Variants in IGF2R observed in about 807,000 individuals in gnomAD.
IGF2R encodes cation-independent mannose-6-phosphate receptor.
IGF2R carries 91 observed loss-of-function variants against 270.6 expected under a neutral mutation model. The ratio of observed to expected loss-of-function variants is 0.34; its 90% CI spans 0.28 to 0.40. The LOEUF (loss-of-function observed/expected upper bound fraction) is 0.40, where lower values mean the gene tolerates loss of function less well. IGF2R is among the 10% of genes least tolerant of loss of function. IGF2R has a pLI of 1.00. For synonymous variants in IGF2R, 1,316 were observed against 1,258.9 expected, an observed-to-expected ratio of 1.05 and a Z score of -0.96; for missense variants, 2,805 against 3,188.3, an observed-to-expected ratio of 0.88 and a Z score of 2.90.
Position 160,109,961 on chromosome 6 carries a change from C to G in IGF2R, c.*4877C>G, listed in dbSNP as rs1221091696. 4 of 152,174 alleles carry G rather than the reference C, an allele frequency of 2.6e-5. No individual in the cohort carries two copies. Among genetic ancestry groups the G allele is most frequent in the Non-Finnish European group, 5.9e-5 (4 of 68,048 alleles). The allele number at this position is 152,174 out of a possible 1,614,324, so 9.4% of individuals were successfully genotyped here. On this transcript the variant is annotated 3_prime_UTR_variant, in exon 48 of 48. Coordinates refer to ENST00000356956, the MANE Select transcript of IGF2R (RefSeq NM_000876.4). ...CAGTGTGCCCCGTGGAACACTTGTTCTGTATGTTGTTAACAGATGTTTTGC... is the reference window on the plus strand; with the variant it reads ...CAGTGTGCCCCGTGGAACACTTGTTGTGTATGTTGTTAACAGATGTTTTGC...
rs1278932398 is a variant in IGF2R at position 160,078,234 on chromosome 6, G to A, written c.5350G>A (p.Asp1784Asn). The change falls in exon 37 of 48, where the codon GAC (aspartate) becomes AAC (asparagine). Residue 1784 changes from aspartate to asparagine, a missense_variant. By Grantham distance (23) the Asp-to-Asn change is conservative. Around this residue, in one of 2 missense-constraint regions of IGF2R, gnomAD observed 1,851 missense variants for 2,207.2 expected, o/e 0.84. Coordinates refer to ENST00000356956, the MANE Select transcript of IGF2R (RefSeq NM_000876.4). ...TPKLLRTSEC[D>N]FVFEWETPVV... ...TAAGCTGTTAAGGACCAGCGAGTGC[G>A]ACTTTGTGTTCGAATGGGAGACTCC... 11 of 1,614,092 alleles carry A rather than the reference G, an allele frequency of 6.8e-6. No homozygotes were observed. The highest frequency in any genetic ancestry group is 5.0e-5 in the Admixed American group (3 of 60,008).
At chr6:160,101,078 C>T (rs1324892301) in intron 45 of IGF2R, among the ~76,000 whole-genome samples, 1 of 151,022 alleles carries the variant, frequency 6.6e-6, no homozygotes, top group East Asian at 1.9e-4. Context: ...AGGCATGAGC[C>T]ACTGTGCTCG....
rs59215791 is a variant in IGF2R at position 160,000,728 on chromosome 6, GTTTTTTTTTTTTT to G, written c.290-8269_290-8257del. On this transcript the variant is annotated intron_variant, in intron 2 of 47. Coordinates refer to ENST00000356956, the MANE Select transcript of IGF2R (RefSeq NM_000876.4). ...GGAAGATAATAGTTGGTGTGAGGTT[GTTTTTTTTTTTTT>G]TTTTTTTTTTTTGAGACAGAATCTT... is the stretch of plus-strand genomic sequence containing the variant. 5.7e-5 allele frequency among the ~76,000 whole-genome samples: 4 copies of G among 69,962 alleles called. No homozygotes were observed. The South Asian group carries it at 2.6e-3, about 46-fold the overall frequency. 45.9% of individuals were successfully genotyped at this position (69,962 alleles called of 152,430 possible). A position where few individuals can be genotyped will look rare whatever the true frequency, so the allele number is the denominator to read the frequency against.
chr6:160,032,910 A>G, intron 8 of IGF2R, 32 bp from the exon 9 acceptor site: 1 of 1,543,184 alleles, frequency 6.5e-7, no homozygotes, highest in Non-Finnish European at 8.9e-7. Context: ...CATATAAAAC[A>G]AGCCTCTTCT....
Position 160,001,895 on chromosome 6 carries a change from C to T in IGF2R, c.290-7115C>T, listed in dbSNP as rs141862850. 3.4e-3 allele frequency among the ~76,000 whole-genome samples: 520 copies of T among 152,230 alleles called. 3 individuals carry two copies. The highest frequency in any genetic ancestry group is 0.012 in the African/African-American group (495 of 41,534). ...TTATATGCATTTGACCCTTGAACAA[C>T]GCTAGAGTTAGGGGCACCAACCCCC... On this transcript the variant is annotated intron_variant, in intron 2 of 47. Coordinates refer to ENST00000356956, the MANE Select transcript of IGF2R (RefSeq NM_000876.4).
At chr6:160,026,672 C>A (rs1352625572) in intron 5 of IGF2R, among the ~76,000 whole-genome samples, 1 of 152,198 alleles carries the variant, frequency 6.6e-6, no homozygotes, top group African/African-American at 2.4e-5. Context: ...ATGTTCTGGA[C>A]ATATTCTGGG....
At chr6:160,043,096 T>C in intron 11 of IGF2R, 52 bp from the exon 12 acceptor site, 1 of 1,596,180 alleles carries the variant, frequency 6.3e-7, no homozygotes, top group Non-Finnish European at 8.6e-7. Flanking sequence ...ATTCTGTGAC[T>C]CAGAGAAATC....
intron 41 of IGF2R, among the ~76,000 whole-genome samples, chr6:160,086,018 A>C (rs1322565388): frequency 6.6e-6 from 1 of 152,172 alleles, no homozygotes; most frequent in African/African-American, 2.4e-5. Flanking sequence ...TTTCCCCTGT[A>C]ATCTTGCAGT....
In IGF2R at chr6:160,073,809, T is replaced by C. The variant is rs1177909205; in HGVS notation, c.5000T>C (p.Ile1667Thr). The change falls in exon 35 of 48, where the codon ATT (isoleucine) becomes ACT (threonine). Residue 1667 changes from isoleucine to threonine, a missense_variant. By Grantham distance (89) the Ile-to-Thr change is moderately conservative (BLOSUM62 -1). Around this residue, in one of 2 missense-constraint regions of IGF2R, gnomAD observed 1,851 missense variants for 2,207.2 expected, o/e 0.84. Transcript: ENST00000356956. ...GSSIVDLSPL[I>T]HRTGGYEAYD... Reference sequence around the variant, plus strand: ...TCTATTGTTGACTTGTCTCCCCTTATTCATCGCACTGGTGGTTATGAGGCT... The same window carrying C: ...TCTATTGTTGACTTGTCTCCCCTTACTCATCGCACTGGTGGTTATGAGGCT... The C allele has an allele frequency of 1.2e-6, 2 of 1,614,096 alleles. No homozygotes were observed. The highest frequency in any genetic ancestry group is 8.5e-7 in the Non-Finnish European group (1 of 1,180,030).
chr6:160,105,158 G>A lies in IGF2R; in HGVS notation c.*74G>A. 4.7e-6 allele frequency: 6 copies of A among 1,276,856 alleles called. No individual in the cohort carries two copies. The highest frequency in any genetic ancestry group is 2.6e-5 in the East Asian group (1 of 38,944). 79.1% of individuals were successfully genotyped at this position (1,276,856 alleles called of 1,614,324 possible). On this transcript the variant is annotated 3_prime_UTR_variant, in exon 48 of 48. Transcript: ENST00000356956. ...CTCCAACCAAATAAGACTTCCACTC[G>A]ATGATGCTTCTATAATTTTGCCTTT...
intron 30 of IGF2R, among the ~76,000 whole-genome samples, chr6:160,069,301 C>T (rs1778663109): frequency 6.6e-6 from 1 of 152,114 alleles, no homozygotes; most frequent in Admixed American, 6.5e-5. Flanking sequence ...TGGCTCACCT[C>T]AAAGGCGGTG....
intron 10 of IGF2R, among the ~76,000 whole-genome samples, chr6:160,035,100 C>A (rs895767453): frequency 1.3e-5 from 2 of 152,172 alleles, no homozygotes; most frequent in Admixed American, 1.3e-4. Flanking sequence ...ATTGTAGACA[C>A]AGTTGTAGCT....
At chr6:160,089,661 G>C (rs1779174747) in intron 43 of IGF2R, among the ~76,000 whole-genome samples, 1 of 152,258 alleles carries the variant, frequency 6.6e-6, no homozygotes, top group Non-Finnish European at 1.5e-5. Context: ...TGTGGTGCTG[G>C]ATACGGCACC....
chr6:160,052,996 C>T (rs1232093017), intron 19 of IGF2R, among the ~76,000 whole-genome samples: 1 of 152,156 alleles, frequency 6.6e-6, no homozygotes, highest in Non-Finnish European at 1.5e-5. Flanking sequence ...AAAACCTAAG[C>T]AATACCATTC....
chr6:160,087,864 C>T (rs1243847100), intron 41 of IGF2R, among the ~76,000 whole-genome samples, 169 bp from the exon 42 acceptor site: 2 of 152,128 alleles, frequency 1.3e-5, no homozygotes, highest in East Asian at 1.9e-4. Flanking sequence ...TTAGTAGAGA[C>T]GGGGTTTCAC....
chr6:160,099,663 G>A (rs939507744), intron 45 of IGF2R, among the ~76,000 whole-genome samples: 4 of 152,138 alleles, frequency 2.6e-5, no homozygotes, highest in African/African-American at 7.2e-5. Flanking sequence ...CACCGTGCCC[G>A]GCCTCATCAA....
intron 36 of IGF2R, among the ~76,000 whole-genome samples, chr6:160,076,904 C>A (rs571851087): frequency 3.3e-5 from 5 of 152,198 alleles, no homozygotes; most frequent in South Asian, 2.1e-4. Context: ...GCTCATCTGA[C>A]CCCTAGGAGT....
At position 160,110,186 on chromosome 6, in the gene IGF2R, G is replaced by C. The variant is rs911852392; in HGVS notation, c.*5102G>C. The C allele has an allele frequency of 1.3e-5, 2 of 152,320 alleles. No homozygotes were observed. The highest frequency in any genetic ancestry group is 2.9e-5 in the Non-Finnish European group (2 of 68,034). The allele number at this position is 152,320 out of a possible 1,614,324, so 9.4% of individuals were successfully genotyped here. A position where few individuals can be genotyped will look rare whatever the true frequency, so the allele number is the denominator to read the frequency against. On this transcript the variant is annotated 3_prime_UTR_variant, in exon 48 of 48. Coordinates refer to ENST00000356956, the MANE Select transcript of IGF2R (RefSeq NM_000876.4). ...TTGCCTGTGTTCCCTGGGGGAGCTG[G>C]TGGCCTGTGACCATCCACTGGGAAA... is the stretch of plus-strand genomic sequence containing the variant.
chr6:160,059,367 A>G (rs889399365), intron 22 of IGF2R, among the ~76,000 whole-genome samples: 7 of 152,232 alleles, frequency 4.6e-5, no homozygotes, highest in African/African-American at 1.2e-4. Context: ...AACCACATTC[A>G]CGTAACTGTC....
Sources: gnomAD v4.1 joint callset for allele counts (sites outside exome capture counted in the v4.1 genomes callset) on GRCh38, gnomAD v4.1.1 for gene constraint, gnomAD v4.1.1 regional missense constraint, MANE v1.5 for transcripts, NCBI Gene and HGNC (gene_info 2026-07-23, HGNC 2026-07-21) for gene names.